LRP1B: variants seen among roughly 807,000 people sequenced by gnomAD.
LRP1B encodes the protein LDL receptor related protein 1B, also known as low-density lipoprotein receptor-related protein 1B.
LRP1B carries 217 observed loss-of-function variants against 556.6 expected under a neutral mutation model. The ratio of observed to expected loss-of-function variants is 0.39; its 90% confidence interval spans 0.35 to 0.44. The LOEUF is 0.44. LRP1B is among the 20% of genes least tolerant of loss of function. The probability of loss-of-function intolerance (pLI) is 1.00; values close to 1 mark genes in which losing one functional copy is unlikely to be tolerated. For synonymous variants in LRP1B, 2,047 were observed against 1,865.8 expected, an observed-to-expected ratio of 1.10 and a Z score of -2.50; for missense variants, 5,053 against 5,620.8, an observed-to-expected ratio of 0.90 and a Z score of 3.23.
intron 87 of LRP1B, among the ~76,000 whole-genome samples, chr2:140,245,155 A>C (rs569203368): frequency 6.6e-6 from 1 of 151,486 alleles, no homozygotes; most frequent in Non-Finnish European, 1.5e-5. Flanking sequence ...CATGACTTTA[A>C]ATTAGTGATG....
intron 2 of LRP1B, among the ~76,000 whole-genome samples, chr2:141,512,102 T>C (rs1470345236): frequency 1.3e-5 from 2 of 152,194 alleles, no homozygotes; most frequent in African/African-American, 4.8e-5. Context: ...ATTTACTCCA[T>C]ACGGAATGGA....
chr2:141,854,473 C>T (rs1049543892), intron 1 of LRP1B, among the ~76,000 whole-genome samples: 1 of 152,006 alleles, frequency 6.6e-6, no homozygotes, highest in African/African-American at 2.4e-5. Flanking sequence ...ATGAATAACT[C>T]GTAAGCAATC....
chr2:140,324,162 T>C, intron 80 of LRP1B, 96 bp from the exon 81 acceptor site: 1 of 657,518 alleles, frequency 1.5e-6, no homozygotes, highest in Non-Finnish European at 2.5e-6. Context: ...ACCTTATTAC[T>C]GTTTAAAAAT....
chr2:140,278,174 A>G (rs557511873), intron 84 of LRP1B, among the ~76,000 whole-genome samples: 12 of 152,086 alleles, frequency 7.9e-5, no homozygotes, highest in African/African-American at 2.6e-4. Context: ...AGTTGAATCT[A>G]TGGTTTTAGA....
intron 7 of LRP1B, among the ~76,000 whole-genome samples, chr2:141,179,895 T>TTA (rs1680917054): frequency 6.7e-6 from 1 of 148,276 alleles, no homozygotes; most frequent in African/African-American, 2.5e-5. Flanking sequence ...GTTTTTCCTT[T>TTA]TTTTTTTTTT....
At chr2:140,819,010 C>G (rs1329266725) in intron 31 of LRP1B, among the ~76,000 whole-genome samples, 1 of 151,518 alleles carries the variant, frequency 6.6e-6, no homozygotes, top group Non-Finnish European at 1.5e-5. Context: ...TGTTCCATCC[C>G]TGGCTTCTCT....
At chr2:140,516,520 GAA>G (rs2104937543) in intron 50 of LRP1B, among the ~76,000 whole-genome samples, 1 of 152,122 alleles carries the variant, frequency 6.6e-6, no homozygotes, top group East Asian at 1.9e-4. Flanking sequence ...ATAGGTGGGG[GAA>G]ATATAACAAG....
intron 15 of LRP1B, among the ~76,000 whole-genome samples, chr2:140,998,042 T>A (rs867218768): frequency 6.6e-6 from 1 of 152,010 alleles, no homozygotes; most frequent in African/African-American, 2.4e-5. Flanking sequence ...ACACATTAGA[T>A]TGCATATATC....
intron 2 of LRP1B, among the ~76,000 whole-genome samples, chr2:141,759,803 A>G (rs1180325110): frequency 1.3e-5 from 2 of 152,168 alleles, no homozygotes; most frequent in African/African-American, 4.8e-5. Flanking sequence ...ATTGTCTGAG[A>G]ACTTTAGAGG....
At chr2:141,983,173 A>G (rs1408865743) in intron 1 of LRP1B, among the ~76,000 whole-genome samples, 1 of 51,616 alleles carries the variant, frequency 1.9e-5, no homozygotes, top group Non-Finnish European at 3.8e-5. Flanking sequence ...AATAATGGAC[A>G]GAAGTAGAAA....
chr2:141,335,474 C>T (rs1476575775), intron 3 of LRP1B, among the ~76,000 whole-genome samples: 1 of 152,082 alleles, frequency 6.6e-6, no homozygotes, highest in Non-Finnish European at 1.5e-5. Context: ...CGCTAAGGAC[C>T]TTGTCTGCCA....
intron 23 of LRP1B, among the ~76,000 whole-genome samples, chr2:140,889,576 C>G (rs967414961): frequency 6.6e-6 from 1 of 152,144 alleles, no homozygotes; most frequent in Admixed American, 6.6e-5. Context: ...GGATTACAGA[C>G]GTAAGCCACC....
intron 43 of LRP1B, among the ~76,000 whole-genome samples, chr2:140,547,317 T>C (rs1680378981): frequency 6.6e-6 from 1 of 152,086 alleles, no homozygotes; most frequent in African/African-American, 2.4e-5. Context: ...ATTTATTACT[T>C]TTCCATTTCA....
chr2:140,319,719 C>G (rs573706053), intron 82 of LRP1B, among the ~76,000 whole-genome samples: 4 of 152,202 alleles, frequency 2.6e-5, no homozygotes, highest in Non-Finnish European at 4.4e-5. Context: ...ACCTCTATGA[C>G]GCAGGCAGAA....
At chr2:141,580,485 A>G (rs1362003550) in intron 2 of LRP1B, among the ~76,000 whole-genome samples, 1 of 152,204 alleles carries the variant, frequency 6.6e-6, no homozygotes, top group Non-Finnish European at 1.5e-5. Flanking sequence ...GTGGACTGAG[A>G]AATATCAGTG....
chr2:141,340,949 A>G (rs1688034887), intron 3 of LRP1B, among the ~76,000 whole-genome samples: 1 of 117,434 alleles, frequency 8.5e-6, no homozygotes, highest in Non-Finnish European at 1.9e-5. Context: ...ATAAGTATGT[A>G]TTATTGCTAA....
At chr2:141,561,540 A>G (rs964841952) in intron 2 of LRP1B, among the ~76,000 whole-genome samples, 3 of 151,764 alleles carry the variant, frequency 2.0e-5, no homozygotes, top group Non-Finnish European at 4.4e-5. Flanking sequence ...TGCATTACCA[A>G]TTTCACCTCT....
chr2:141,521,212 T>A (rs1684518262), intron 2 of LRP1B, among the ~76,000 whole-genome samples: 1 of 152,126 alleles, frequency 6.6e-6, no homozygotes, highest in African/African-American at 2.4e-5. Context: ...ATAAAACCCT[T>A]TCACATTTAA....
intron 43 of LRP1B, among the ~76,000 whole-genome samples, chr2:140,573,042 C>T (rs1383160979): frequency 6.6e-6 from 1 of 151,638 alleles, no homozygotes; most frequent in Non-Finnish European, 1.5e-5. Flanking sequence ...TGCAAAATTA[C>T]AACTAGATAA....
Sources: allele counts gnomAD v4.1 joint callset (sites outside exome capture counted in the v4.1 genomes callset), GRCh38; gene constraint gnomAD v4.1.1; transcripts MANE v1.5; gene names NCBI Gene and HGNC (gene_info 2026-07-23, HGNC 2026-07-21).